Variants in GABPB2 observed in about 807,000 individuals in gnomAD.
GABPB2 encodes GA binding protein transcription factor subunit beta 2, also known as GA-binding protein subunit beta-2.
GABPB2 carries 23 observed loss-of-function variants against 39.1 expected under a neutral mutation model. The observed-to-expected ratio is 0.59, with a 90% CI of 0.42 to 0.83. The LOEUF is 0.83. GABPB2 is among the 40% of genes least tolerant of loss of function. The pLI, the probability that GABPB2 is intolerant of heterozygous loss-of-function variation, is 0.00. For missense variants in GABPB2, 467 were observed against 541.1 expected (o/e 0.86, Z 1.36); for synonymous variants, 184 against 199.3 (o/e 0.92, Z 0.65).
At chr1:151,078,428 C>G (rs770766546) in intron 1 of GABPB2, among the ~76,000 whole-genome samples, 3 of 151,666 alleles carry the variant, frequency 2.0e-5, no homozygotes, top group Non-Finnish European at 2.9e-5. Context: ...CGTGCTTCTA[C>G]TAAAAATCCA....
intron 1 of GABPB2, among the ~76,000 whole-genome samples, chr1:151,084,932 C>CA (rs1558131429): frequency 1.3e-5 from 2 of 151,776 alleles, no homozygotes; most frequent in African/African-American, 4.8e-5. Context: ...TCTGTCTCTA[C>CA]AAAAAATTTA....
Position 151,103,620 on chromosome 1 carries a change from C to T in GABPB2, c.681C>T (p.Thr227=), listed in dbSNP as rs1175056985. 1 of 1,614,096 alleles carries T rather than the reference C, an allele frequency of 6.2e-7. No homozygotes were observed. Among genetic ancestry groups the T allele is most frequent in the Non-Finnish European group, 8.5e-7 (1 of 1,180,010 alleles). ...FSNSTTSVLA[T]LAALAEASVP... ...ATTCTACCACCTCAGTGCTGGCTAC[C>T]CTTGCAGCTCTTGCTGAGGCATCAG... is the stretch of plus-strand genomic sequence containing the variant. Residue 227 remains threonine, a synonymous_variant, in exon 6 of 9, where the codon ACC becomes ACT. Transcript: ENST00000368918.
intron 5 of GABPB2, among the ~76,000 whole-genome samples, chr1:151,099,976 A>G (rs1679388348): frequency 6.6e-6 from 1 of 152,198 alleles, no homozygotes; most frequent in Non-Finnish European, 1.5e-5. Flanking sequence ...CATGCCCACC[A>G]GGGGGCAATA....
At chr1:151,072,253 T>C (rs1049168597) in intron 1 of GABPB2, among the ~76,000 whole-genome samples, 6 of 152,192 alleles carry the variant, frequency 3.9e-5, no homozygotes, top group Admixed American at 6.5e-5. Context: ...CACACACTTA[T>C]TGAAAGGTTT....
intron 1 of GABPB2, among the ~76,000 whole-genome samples, chr1:151,074,237 A>G (rs1167491142): frequency 6.7e-6 from 1 of 148,764 alleles, no homozygotes; most frequent in African/African-American, 2.5e-5. Flanking sequence ...AGCCTCCCAA[A>G]GTGCTAGGAT....
In GABPB2 at chr1:151,088,034, GTT is replaced by G. The variant is rs587763265; in HGVS notation, c.1-155_1-154del. 4.7e-3 allele frequency: 2,748 copies of G among 585,380 alleles called. 101 individuals carry two copies. In the South Asian group the frequency reaches 0.056, roughly 12 times the overall value. 36.3% of individuals were successfully genotyped at this position (585,380 alleles called of 1,614,324 possible). ...CATTCCCAAATATTTTATTGTTTGT[GTT>G]AGACGAGGTAGAAAGGAAGTGACCT... On this transcript the variant is annotated intron_variant, in intron 1 of 8. Coordinates refer to ENST00000368918, the MANE Select transcript of GABPB2 (RefSeq NM_144618.3).
At chr1:151,114,683 G>A (rs115782124) in intron 7 of GABPB2, among the ~76,000 whole-genome samples, 23 of 151,802 alleles carry the variant, frequency 1.5e-4, no homozygotes, top group African/African-American at 5.3e-4. Flanking sequence ...GAGACAGAGC[G>A]AGACTCTGTC....
chr1:151,100,580 CTT>C (rs35251516), intron 5 of GABPB2, among the ~76,000 whole-genome samples: 12 of 46,708 alleles, frequency 2.6e-4, no homozygotes, highest in Admixed American at 7.4e-4. Context: ...TGTGCCTGGC[CTT>C]TTTTTTTTTT....
intron 1 of GABPB2, among the ~76,000 whole-genome samples, chr1:151,084,395 T>G (rs587607338): frequency 2.6e-4 from 39 of 151,634 alleles, no homozygotes; most frequent in Admixed American, 1.4e-3. Context: ...GCTAATTTTT[T>G]TTGTATTTTT....
intron 6 of GABPB2, among the ~76,000 whole-genome samples, chr1:151,105,376 A>G (rs181827536): frequency 1.3e-4 from 19 of 149,662 alleles, no homozygotes; most frequent in East Asian, 3.9e-4. Context: ...TTATATATAT[A>G]TGTGTGTATA....
At chr1:151,098,501 TA>T (rs748009017) in intron 5 of GABPB2, among the ~76,000 whole-genome samples, 2,236 of 117,320 alleles carry the variant, frequency 0.019, 41 homozygotes, top group African/African-American at 0.048. Flanking sequence ...ACCCTGTCTC[TA>T]AAAAAAAAAA....
rs756125769 is a variant in GABPB2, at chr1:151,097,925, C to T, written c.545C>T (p.Ala182Val). 1.9e-6 allele frequency: 3 copies of T among 1,613,234 alleles called. No individual in the cohort carries two copies. Among genetic ancestry groups the T allele is most frequent in the African/African-American group, 2.7e-5 (2 of 74,920 alleles). ...NPVTDPVSMAAPFIFTSGEVV... is the reference protein window; with the variant it reads ...NPVTDPVSMAVPFIFTSGEVV... ...GTGACTGACCCTGTGAGTATGGCTG[C>T]TCCATTCATCTTCACGTCGGGTGAG... The change falls in exon 5 of 9, where the codon GCT becomes GTT. Residue 182 changes from alanine to valine, a missense_variant. Transcript: ENST00000368918.
chr1:151,113,980 T>C (rs1358123568), intron 7 of GABPB2, among the ~76,000 whole-genome samples: 1 of 152,210 alleles, frequency 6.6e-6, no homozygotes, highest in African/African-American at 2.4e-5. Context: ...TTCCATGATA[T>C]GGATGTACCA....
chr1:151,096,156 G>T (rs1679082308), intron 4 of GABPB2, among the ~76,000 whole-genome samples: 1 of 152,092 alleles, frequency 6.6e-6, no homozygotes, highest in Non-Finnish European at 1.5e-5. Context: ...GGGCGTGGTG[G>T]CTCATGCCTG....
intron 5 of GABPB2, among the ~76,000 whole-genome samples, chr1:151,101,268 G>C (rs1246132834): frequency 6.6e-6 from 1 of 150,526 alleles, no homozygotes; most frequent in Admixed American, 6.7e-5. Context: ...AATAAATTAA[G>C]AGTACATTTA....
chr1:151,117,327 G>A (rs1680951350), intron 7 of GABPB2, 65 bp from the exon 8 acceptor site: 1 of 1,537,128 alleles, frequency 6.5e-7, no homozygotes, highest in Admixed American at 1.9e-5. Flanking sequence ...CTAATTAAAA[G>A]CAAGCAAAAC....
intron 1 of GABPB2, among the ~76,000 whole-genome samples, chr1:151,078,948 A>G (rs1677423201): frequency 6.6e-6 from 1 of 151,986 alleles, no homozygotes; most frequent in Non-Finnish European, 1.5e-5. Flanking sequence ...CTGGGATTAC[A>G]GTCGTGAGCC....
intron 2 of GABPB2, among the ~76,000 whole-genome samples, chr1:151,089,520 C>T (rs1678487446): frequency 6.6e-6 from 1 of 152,196 alleles, no homozygotes; most frequent in African/African-American, 2.4e-5. Context: ...ATTGCGTCTT[C>T]ATCTCATCAT....
At chr1:151,106,984 A>T (rs1392543520) in intron 6 of GABPB2, 53 bp from the exon 7 acceptor site, 1 of 1,294,042 alleles carries the variant, frequency 7.7e-7, no homozygotes, top group Non-Finnish European at 1.1e-6. Flanking sequence ...AAATTGCTAT[A>T]CTCCTATGTT....
Sources: gnomAD v4.1 joint callset for allele counts (sites outside exome capture counted in the v4.1 genomes callset) on GRCh38, gnomAD v4.1.1 for gene constraint, MANE v1.5 for transcripts, NCBI Gene and HGNC (gene_info 2026-07-23, HGNC 2026-07-21) for gene names.